ENOX1: variants seen among roughly 807,000 people sequenced by gnomAD.
ENOX1 encodes ecto-NOX disulfide-thiol exchanger 1, also known as candidate growth-related and time keeping constitutive hydroquinone (NADH) oxidase.
A neutral mutation model predicts 82.5 loss-of-function variants in ENOX1; 42 were observed. The ratio of observed to expected loss-of-function variants is 0.51; its 90% CI spans 0.40 to 0.66. The LOEUF (loss-of-function observed/expected upper bound fraction) is 0.66. Ranked by LOEUF, ENOX1 falls within the 30% of genes least tolerant of loss-of-function variation. ENOX1 has a pLI of 0.00. For missense variants in ENOX1, 608 were observed against 811.6 expected (o/e 0.75, Z 3.05); for synonymous variants, 271 against 282.2 (o/e 0.96, Z 0.40).
chr13:43,465,905 C>T (rs2057697772), intron 3 of ENOX1, among the ~76,000 whole-genome samples: 1 of 152,102 alleles, frequency 6.6e-6, no homozygotes, highest in Non-Finnish European at 1.5e-5. Flanking sequence ...TTTGGGTCTT[C>T]TTTTGAAGAG....
intron 1 of ENOX1, among the ~76,000 whole-genome samples, chr13:43,785,910 G>C (rs1952565150): frequency 6.6e-6 from 1 of 152,150 alleles, no homozygotes; most frequent in Non-Finnish European, 1.5e-5. Flanking sequence ...GCACGTGTCG[G>C]GTCCGGAGAG....
In ENOX1 at chr13:43,358,507, C is replaced by T. The variant is rs2050292933; in HGVS notation, c.589+1344G>A. ...TGTACTGAGGGATGACTGCAGTTTTCTTGGTACAGCTGTGATTAGAAGCCA... is the reference window on the plus strand; with the variant it reads ...TGTACTGAGGGATGACTGCAGTTTTTTTGGTACAGCTGTGATTAGAAGCCA... On this transcript the variant is annotated intron_variant, in intron 7 of 16. Transcript: ENST00000690772. 3.3e-5 allele frequency among the ~76,000 whole-genome samples: 5 copies of T among 152,050 alleles called. No individual in the cohort carries two copies. The South Asian group carries it at 1.0e-3, about 32-fold the overall frequency.
At chr13:43,764,381 G>C (rs1489949124) in intron 1 of ENOX1, among the ~76,000 whole-genome samples, 1 of 152,168 alleles carries the variant, frequency 6.6e-6, no homozygotes, top group Non-Finnish European at 1.5e-5. Context: ...CACAAAGGCA[G>C]CTAAGAAATG....
chr13:43,483,921 A>C, intron 3 of ENOX1, 88 bp downstream of exon 3: 1 of 761,604 alleles, frequency 1.3e-6, no homozygotes, highest in Non-Finnish European at 1.6e-6. Context: ...CAGAGTTCTA[A>C]TTGAAATAGA....
intron 2 of ENOX1, among the ~76,000 whole-genome samples, chr13:43,512,499 G>A (rs2077405500): frequency 6.6e-6 from 1 of 151,988 alleles, no homozygotes; most frequent in South Asian, 2.1e-4. Flanking sequence ...ATAATTGACT[G>A]AAAAACTTGC....
At chr13:43,575,468 C>T (rs142998709) in intron 2 of ENOX1, among the ~76,000 whole-genome samples, 41 of 152,290 alleles carry the variant, frequency 2.7e-4, no homozygotes, top group African/African-American at 9.4e-4. Flanking sequence ...ATCAACTACA[C>T]TCTGGGCAGA....
intron 3 of ENOX1, among the ~76,000 whole-genome samples, chr13:43,425,016 G>T (rs2055205814): frequency 6.6e-6 from 1 of 152,138 alleles, no homozygotes; most frequent in East Asian, 1.9e-4. Context: ...TTAAATGAAG[G>T]TGCTCAGAAG....
At chr13:43,750,659 C>G (rs1950264637) in intron 1 of ENOX1, among the ~76,000 whole-genome samples, 1 of 152,072 alleles carries the variant, frequency 6.6e-6, no homozygotes, top group South Asian at 2.1e-4. Flanking sequence ...GACAGATGTC[C>G]CCTCTACATC....
chr13:43,346,901 C>T (rs1385616082), intron 8 of ENOX1, among the ~76,000 whole-genome samples: 1 of 151,482 alleles, frequency 6.6e-6, no homozygotes, highest in East Asian at 1.9e-4. Context: ...AAGATAACAA[C>T]AGAAAAAGAG....
At chr13:43,545,266 G>A (rs12430908) in intron 2 of ENOX1, 12 of 152,336 alleles carry the variant, frequency 7.9e-5, no homozygotes, top group African/African-American at 9.6e-5. Flanking sequence ...AAAGGACCCC[G>A]AGGTGTACGA....
intron 2 of ENOX1, among the ~76,000 whole-genome samples, chr13:43,503,265 A>C (rs1276371160): frequency 1.3e-5 from 2 of 151,764 alleles, no homozygotes; most frequent in Non-Finnish European, 3.0e-5. Flanking sequence ...TGAGATATCA[A>C]ACAAAAATAT....
intron 1 of ENOX1, among the ~76,000 whole-genome samples, chr13:43,734,287 A>C (rs2089500322): frequency 6.6e-6 from 1 of 152,140 alleles, no homozygotes; most frequent in Admixed American, 6.6e-5. Context: ...CTAGAGAACT[A>C]GTACAAGGGT....
intron 2 of ENOX1, among the ~76,000 whole-genome samples, chr13:43,514,408 C>T (rs940671258): frequency 5.9e-5 from 9 of 152,108 alleles, no homozygotes; most frequent in African/African-American, 2.2e-4. Flanking sequence ...TCTTTCCTCT[C>T]CCTTATTTTT....
intron 15 of ENOX1, among the ~76,000 whole-genome samples, chr13:43,230,802 G>T (rs2042243760): frequency 6.6e-6 from 1 of 152,196 alleles, no homozygotes; most frequent in Non-Finnish European, 1.5e-5. Context: ...GAGTGGGATG[G>T]GTTAGCCCTG....
rs1225824243 is a variant in ENOX1 at position 43,335,850 on chromosome 13, C to T, written c.1036+8688G>A. Among the ~76,000 whole-genome samples, 4 of 151,610 alleles carry T rather than the reference C, an allele frequency of 2.6e-5. No homozygotes were observed. In the East Asian group the frequency reaches 7.7e-4, roughly 29 times the overall value. ...TGTCCTCCACCATCACCTTTGGCAT[C>T]CTGTGAAACAGAACATTCTGTGCTC... On this transcript the variant is annotated intron_variant, in intron 9 of 16. Coordinates refer to ENST00000690772, the MANE Select transcript of ENOX1 (RefSeq NM_001347969.2).
chr13:43,342,918 A>ATATT, intron 9 of ENOX1, among the ~76,000 whole-genome samples: 1 of 152,210 alleles, frequency 6.6e-6, no homozygotes, highest in Non-Finnish European at 1.5e-5. Context: ...GCATTTTAAT[A>ATATT]GGTGCCTCTT....
intron 3 of ENOX1, among the ~76,000 whole-genome samples, chr13:43,443,727 A>C (rs551845891): frequency 1.8e-4 from 27 of 152,330 alleles, no homozygotes; most frequent in African/African-American, 6.5e-4. Flanking sequence ...ACCTGCATGT[A>C]GGGAGAGTGG....
At chr13:43,681,169 T>G (rs299358) in intron 1 of ENOX1, among the ~76,000 whole-genome samples, 151,657 of 152,264 alleles carry the variant, frequency 1, 75,528 homozygotes, top group East Asian at 1. Context: ...AACCATTTCT[T>G]TGCTTTTCTT....
intron 2 of ENOX1, among the ~76,000 whole-genome samples, chr13:43,615,407 T>A (rs546457847): frequency 9.9e-5 from 15 of 152,250 alleles, no homozygotes; most frequent in African/African-American, 3.4e-4. Flanking sequence ...GAATCCAGCA[T>A]GGCATGATGG....
Sources: allele counts gnomAD v4.1 joint callset (sites outside exome capture counted in the v4.1 genomes callset), GRCh38; gene constraint gnomAD v4.1.1; transcripts MANE v1.5; gene names NCBI Gene and HGNC (gene_info 2026-07-23, HGNC 2026-07-21).